Variants in ASAH2B observed in about 807,000 individuals in gnomAD.
ASAH2B encodes N-acylsphingosine amidohydrolase 2B, also known as putative inactive neutral ceramidase B.
A neutral mutation model predicts 2.9 loss-of-function variants in ASAH2B; 1 was observed. The observed-to-expected ratio is 0.34, with a 90% CI of 0.12 to 1.63. The LOEUF (loss-of-function observed/expected upper bound fraction) is 1.63. ASAH2B is among the 40% of genes most tolerant of loss of function. The pLI is 0.36. For missense variants in ASAH2B, 9 were observed against 37.7 expected, an observed-to-expected ratio of 0.24 and a Z score of 1.99; for synonymous variants, 4 against 13.3, an observed-to-expected ratio of 0.30 and a Z score of 1.52.
chr10:50,742,999 G>A lies in ASAH2B; in HGVS notation c.-15G>A. ...TCAGCTCTTCAGAAACCTTGCTAAG[G>A]CTATTGCTACGGTAATCAAATATTG... On this transcript the variant is annotated 5_prime_UTR_variant, in exon 2 of 6. Coordinates refer to ENST00000647317, the MANE Select transcript of ASAH2B (RefSeq NM_001321958.2). The A allele has an allele frequency of 6.2e-7, 1 of 1,613,944 alleles. No individual in the cohort carries two copies.
chr10:50,756,975 TAGG>T lies in ASAH2B; in HGVS notation c.*2238_*2240del, dbSNP rs1174659048. ...AGTGGAATATGGCAGATTGGGTAGG[TAGG>T]AGAACAATTTTGGAGATTTTGTTTC... On this transcript the variant is annotated 3_prime_UTR_variant, in exon 6 of 6. Transcript: ENST00000647317. The T allele has an allele frequency of 1.3e-5, 2 of 151,690 alleles. No individual in the cohort carries two copies. The highest frequency in any genetic ancestry group is 3.0e-5 in the Non-Finnish European group (2 of 67,742). The allele number at this position is 151,690 out of a possible 1,614,324, so 9.4% of individuals were successfully genotyped here. A position where few individuals can be genotyped will look rare whatever the true frequency, so the allele number is the denominator to read the frequency against.
chr10:50,758,139 G>GA lies in ASAH2B; in HGVS notation c.*3405dup, dbSNP rs1447258090. ...CTACTCTTACCTGCAAGGGAAGCTG[G>GA]AAAAAAGAATATTTAGTATTTTGTG... is the stretch of plus-strand genomic sequence containing the variant. On this transcript the variant is annotated 3_prime_UTR_variant, in exon 6 of 6. Coordinates refer to ENST00000647317, the MANE Select transcript of ASAH2B (RefSeq NM_001321958.2). 1 of 129,570 alleles carries GA rather than the reference G, an allele frequency of 7.7e-6. No individual in the cohort carries two copies. Among genetic ancestry groups the GA allele is most frequent in the African/African-American group, 2.9e-5 (1 of 34,946 alleles). The allele number at this position is 129,570 out of a possible 1,614,324, so 8.0% of individuals were successfully genotyped here. A position where few individuals can be genotyped will look rare whatever the true frequency, so the allele number is the denominator to read the frequency against.
intron 5 of ASAH2B, among the ~76,000 whole-genome samples, chr10:50,754,151 A>G (rs1380375731): frequency 1.3e-5 from 2 of 149,196 alleles, no homozygotes; most frequent in Non-Finnish European, 3.0e-5. Flanking sequence ...ACATATATAT[A>G]TGTATACACA....
chr10:50,748,118 G>A (rs946650923), intron 3 of ASAH2B, among the ~76,000 whole-genome samples: 3 of 147,706 alleles, frequency 2.0e-5, no homozygotes, highest in African/African-American at 7.4e-5. Context: ...TGTCTTTCTA[G>A]GAATTTATCT....
At chr10:50,743,108 T>A (rs1293471553) in intron 2 of ASAH2B, 98 bp downstream of exon 2, 1 of 1,288,702 alleles carries the variant, frequency 7.8e-7, no homozygotes, top group Non-Finnish European at 1.1e-6. Context: ...AAAGAGAACC[T>A]TAGCTTCGAG....
In ASAH2B at chr10:50,756,528, C is replaced by T. The variant is rs2132736555; in HGVS notation, c.*1788C>T. 1 of 152,080 alleles carries T rather than the reference C, an allele frequency of 6.6e-6. No homozygotes were observed. Among genetic ancestry groups the T allele is most frequent in the African/African-American group, 2.4e-5 (1 of 41,550 alleles). 9.4% of individuals were successfully genotyped at this position (152,080 alleles called of 1,614,324 possible). On this transcript the variant is annotated 3_prime_UTR_variant, in exon 6 of 6. Coordinates refer to ENST00000647317, the MANE Select transcript of ASAH2B (RefSeq NM_001321958.2). Reference sequence around the variant, plus strand: ...TGGTTTTTTAAAGTATTTGTTATTACTCAGAAGGGTTCATGAATCAGTTTC... The same window carrying T: ...TGGTTTTTTAAAGTATTTGTTATTATTCAGAAGGGTTCATGAATCAGTTTC...
intron 3 of ASAH2B, among the ~76,000 whole-genome samples, chr10:50,746,055 C>A (rs1399249648): frequency 5.3e-5 from 8 of 151,162 alleles, no homozygotes; most frequent in Non-Finnish European, 1.0e-4. Context: ...TTAACTGAAG[C>A]CATCAAGTTG....
At chr10:50,740,246 A>G (rs547198321) in intron 1 of ASAH2B, among the ~76,000 whole-genome samples, 36 of 151,688 alleles carry the variant, frequency 2.4e-4, no homozygotes, top group African/African-American at 8.7e-4. Flanking sequence ...CCAGCAGGCG[A>G]CTCGGACCTG....
chr10:50,753,844 T>C (rs1837023688), intron 5 of ASAH2B, among the ~76,000 whole-genome samples: 1 of 66,162 alleles, frequency 1.5e-5, no homozygotes, highest in Non-Finnish European at 3.2e-5. Flanking sequence ...TTGTTCCTGC[T>C]TTGGACACTT....
intron 1 of ASAH2B, among the ~76,000 whole-genome samples, chr10:50,741,006 T>G (rs1298773039): frequency 6.6e-6 from 1 of 152,268 alleles, no homozygotes; most frequent in Non-Finnish European, 1.5e-5. Context: ...AAAAACGTTT[T>G]AAATTTTTTA....
intron 3 of ASAH2B, among the ~76,000 whole-genome samples, chr10:50,747,932 CT>C (rs1285865537): frequency 6.7e-6 from 1 of 149,918 alleles, no homozygotes; most frequent in East Asian, 2.0e-4. Context: ...CTTGTACTTT[CT>C]GAAAAAGTAT....
chr10:50,754,032 A>G (rs1837028155), intron 5 of ASAH2B, among the ~76,000 whole-genome samples: 1 of 137,710 alleles, frequency 7.3e-6, no homozygotes, highest in African/African-American at 2.8e-5. Flanking sequence ...TCAACTCAGT[A>G]GAACATAAGC....
chr10:50,742,445 G>T (rs950217601), intron 1 of ASAH2B, among the ~76,000 whole-genome samples: 2 of 152,328 alleles, frequency 1.3e-5, no homozygotes, highest in South Asian at 4.1e-4. Flanking sequence ...AGAACCAAAG[G>T]CCTGGAGGTC....
chr10:50,746,928 A>G (rs1839916232), intron 3 of ASAH2B, among the ~76,000 whole-genome samples: 1 of 150,224 alleles, frequency 6.7e-6, no homozygotes, highest in South Asian at 2.1e-4. Flanking sequence ...ATAGTTTGCA[A>G]GTGTTTTCTC....
At chr10:50,746,822 G>T (rs1276996833) in intron 3 of ASAH2B, among the ~76,000 whole-genome samples, 1 of 151,208 alleles carries the variant, frequency 6.6e-6, no homozygotes, top group Non-Finnish European at 1.5e-5. Flanking sequence ...GTTTATTCAG[G>T]TCCTTTTCTT....
At chr10:50,740,227 G>C (rs1337773592) in intron 1 of ASAH2B, among the ~76,000 whole-genome samples, 1 of 152,068 alleles carries the variant, frequency 6.6e-6, no homozygotes, top group African/African-American at 2.4e-5. Flanking sequence ...GTTTCCTGGC[G>C]ACGTGGTCCC....
intron 2 of ASAH2B, among the ~76,000 whole-genome samples, chr10:50,744,115 A>T (rs2132720886): frequency 6.6e-6 from 1 of 151,432 alleles, no homozygotes; most frequent in Non-Finnish European, 1.5e-5. Context: ...ATTTATTTCT[A>T]TTATAAAATC....
At chr10:50,753,105 C>T (rs1839995937) in intron 5 of ASAH2B, among the ~76,000 whole-genome samples, 1 of 148,880 alleles carries the variant, frequency 6.7e-6, no homozygotes, top group Non-Finnish European at 1.5e-5. Context: ...TTGCCTTTTG[C>T]TACCAAATTC....
chr10:50,742,439 C>T (rs1839844786), intron 1 of ASAH2B, among the ~76,000 whole-genome samples: 1 of 152,168 alleles, frequency 6.6e-6, no homozygotes, highest in African/African-American at 2.4e-5. Context: ...TGTAGAAGAA[C>T]CAAAGGCCTG....
Sources: allele counts gnomAD v4.1 joint callset (sites outside exome capture counted in the v4.1 genomes callset), GRCh38; gene constraint gnomAD v4.1.1; transcripts MANE v1.5; gene names NCBI Gene and HGNC (gene_info 2026-07-23, HGNC 2026-07-21).